ECPAS: variants seen among roughly 807,000 people sequenced by gnomAD.
The protein encoded by ECPAS is Ecm29 proteasome adaptor and scaffold.
ECPAS carries 70 observed loss-of-function variants against 255.1 expected under a neutral mutation model. That is an observed-to-expected ratio of 0.27 (90% CI 0.23 to 0.33). The LOEUF (loss-of-function observed/expected upper bound fraction) is 0.33. Among genes scored for constraint, ECPAS ranks in the 10% least tolerant of loss-of-function variants. The pLI is 1.00. For synonymous variants in ECPAS, 784 were observed against 775.0 expected (o/e 1.01, Z -0.19); for missense variants, 1,817 against 2,206.4 (o/e 0.82, Z 3.54).
Position 111,430,375 on chromosome 9 carries a change from A to T in ECPAS, c.930+172T>A, listed in dbSNP as rs564491693. On this transcript the variant is annotated intron_variant, in intron 9 of 49. Coordinates refer to ENST00000684092, the MANE Select transcript of ECPAS (RefSeq NM_001364929.1). ...AATCTGAATTTACAACACAAGATCC[A>T]GTAAACTAAATTACCAGGTTTTAAT... is the stretch of plus-strand genomic sequence containing the variant. Among the ~76,000 whole-genome samples the T allele has an allele frequency of 9.8e-5, 15 of 152,368 alleles. No individual in the cohort carries two copies. In the East Asian group the frequency reaches 2.9e-3, roughly 29 times the overall value.
intron 1 of ECPAS, among the ~76,000 whole-genome samples, chr9:111,477,389 G>C (rs796197608): frequency 1.1e-4 from 16 of 152,248 alleles, no homozygotes; most frequent in African/African-American, 3.6e-4. Context: ...TGGGATTACA[G>C]GTGTGAGGCA....
chr9:111,386,465 A>G lies in ECPAS; in HGVS notation c.3448-9T>C. On this transcript the variant is annotated splice_polypyrimidine_tract_variant and intron_variant, in intron 31 of 49. Coordinates refer to ENST00000684092, the MANE Select transcript of ECPAS (RefSeq NM_001364929.1). ...TTCAAATATTTATCCACCTAATGAA[A>G]GCAAAAGGATAAAATTTAAAATGCA... The G allele has an allele frequency of 2.7e-6, 4 of 1,496,464 alleles. No homozygotes were observed. Among genetic ancestry groups the G allele is most frequent in the Non-Finnish European group, 3.7e-6 (4 of 1,082,830 alleles). The allele number at this position is 1,496,464 out of a possible 1,614,324, so 92.7% of individuals were successfully genotyped here.
intron 2 of ECPAS, among the ~76,000 whole-genome samples, chr9:111,455,617 T>A (rs1299281914): frequency 1.3e-5 from 2 of 152,260 alleles, no homozygotes; most frequent in African/African-American, 4.8e-5. Flanking sequence ...TGCCTGTCTG[T>A]GCAAATAATA....
intron 12 of ECPAS, among the ~76,000 whole-genome samples, chr9:111,424,646 T>C (rs571799624): frequency 1.3e-5 from 2 of 152,312 alleles, no homozygotes; most frequent in South Asian, 2.1e-4. Context: ...ATTTACTGAA[T>C]GCATGTTTTG....
At chr9:111,446,314 A>G (rs939463200) in intron 3 of ECPAS, among the ~76,000 whole-genome samples, 5 of 152,242 alleles carry the variant, frequency 3.3e-5, no homozygotes, top group Non-Finnish European at 5.9e-5. Context: ...CAATAAAAAG[A>G]TTTCTGCCAA....
chr9:111,410,189 G>T lies in ECPAS; in HGVS notation c.2402C>A (p.Pro801His). Reference protein sequence around the residue: ...TIGSFLDSTSPLLAIAACTAL... With the variant: ...TIGSFLDSTSHLLAIAACTAL... Reference sequence around the variant, plus strand: ...TGTGCAGGCAGCAATTGCCAGGAGGGGTGATGTACTGTCCAAAAATGAGCC... The same window carrying T: ...TGTGCAGGCAGCAATTGCCAGGAGGTGTGATGTACTGTCCAAAAATGAGCC... Residue 801 changes from proline (P) to histidine (H), a missense_variant, in exon 23 of 50, where the codon CCC becomes CAC. This residue lies in a region of ECPAS where 194 missense variants were observed against 152.8 expected (regional missense o/e 1.27). Transcript: ENST00000684092. 1 of 1,612,318 alleles carries T rather than the reference G, an allele frequency of 6.2e-7. No homozygotes were observed. Among genetic ancestry groups the T allele is most frequent in the Non-Finnish European group, 8.5e-7 (1 of 1,179,396 alleles).
Position 111,363,568 on chromosome 9 carries a change from C to A in ECPAS, c.5380+20G>T. On this transcript the variant is annotated intron_variant, in intron 49 of 49. Transcript: ENST00000684092. Reference sequence around the variant, plus strand: ...CCACATGGCTTTATGGTCCCCCAGTCAGAACTAACAACAACTTACCTTCAA... The same window carrying A: ...CCACATGGCTTTATGGTCCCCCAGTAAGAACTAACAACAACTTACCTTCAA... 2 of 1,484,620 alleles carry A rather than the reference C, an allele frequency of 1.3e-6. No homozygotes were observed. The highest frequency in any genetic ancestry group is 1.2e-5 in the South Asian group (1 of 86,420). 92.0% of individuals were successfully genotyped at this position (1,484,620 alleles called of 1,614,324 possible). A position where few individuals can be genotyped will look rare whatever the true frequency, so the allele number is the denominator to read the frequency against.
At chr9:111,407,409 A>G (rs2098186093) in intron 24 of ECPAS, among the ~76,000 whole-genome samples, 1 of 112,436 alleles carries the variant, frequency 8.9e-6, no homozygotes, top group East Asian at 3.5e-4. Context: ...CTCAGAAAAA[A>G]AAAAAAAAAA....
chr9:111,365,163 T>C (rs1293756336), intron 48 of ECPAS, among the ~76,000 whole-genome samples: 1 of 152,050 alleles, frequency 6.6e-6, no homozygotes, highest in African/African-American at 2.4e-5. Flanking sequence ...TCCAGTTACT[T>C]GGGAAACTGA....
In ECPAS at chr9:111,372,589, A is replaced by G; in HGVS notation, c.4368T>C (p.Thr1456=). The part of the protein sequence containing the change: ...EPIYKTSCAL[T]IHAIGRYSPD... ...GGCTGTATCGTCCAATAGCATGAAT[A>G]GTCAAAGCACAAGAGGTCTTGTAGA... Residue 1456 remains threonine (T), a synonymous_variant, in exon 42 of 50, where the codon ACT becomes ACC. Coordinates refer to ENST00000684092, the MANE Select transcript of ECPAS (RefSeq NM_001364929.1). The G allele has an allele frequency of 8.7e-6, 14 of 1,613,300 alleles. No individual in the cohort carries two copies. The highest frequency in any genetic ancestry group is 1.2e-5 in the Non-Finnish European group (14 of 1,179,514).
chr9:111,434,896 CT>C (rs3031129), intron 7 of ECPAS, among the ~76,000 whole-genome samples: 23 of 92,150 alleles, frequency 2.5e-4, no homozygotes, highest in Admixed American at 6.2e-4. Context: ...CCACATCTGG[CT>C]TTTTTTTTTT....
At chr9:111,422,508 G>A (rs1251613962) in intron 13 of ECPAS, among the ~76,000 whole-genome samples, 1 of 152,138 alleles carries the variant, frequency 6.6e-6, no homozygotes, top group Non-Finnish European at 1.5e-5. Flanking sequence ...CGTGGAAAGG[G>A]GCTTTGTTAC....
At chr9:111,374,781 T>C (rs754004281) in intron 38 of ECPAS, among the ~76,000 whole-genome samples, 1 of 152,114 alleles carries the variant, frequency 6.6e-6, no homozygotes, top group Non-Finnish European at 1.5e-5. Flanking sequence ...CTGTGAAAAA[T>C]GCAATTGCCA....
chr9:111,399,482 A>C (rs2418161), intron 24 of ECPAS, among the ~76,000 whole-genome samples: 66,387 of 151,570 alleles, frequency 0.44, 14,678 homozygotes, highest in Non-Finnish European at 0.48. Flanking sequence ...CAACTCAGTA[A>C]CACCCGGTCA....
At chr9:111,412,818 G>A (rs964787149) in intron 20 of ECPAS, among the ~76,000 whole-genome samples, 1 of 151,900 alleles carries the variant, frequency 6.6e-6, no homozygotes, top group Non-Finnish European at 1.5e-5. Flanking sequence ...ACACCTCCTG[G>A]CAAATTTCAT....
At chr9:111,469,326 A>T (rs1466131570) in intron 2 of ECPAS, among the ~76,000 whole-genome samples, 2 of 151,908 alleles carry the variant, frequency 1.3e-5, no homozygotes, top group African/African-American at 4.8e-5. Context: ...AGGTCAGGTG[A>T]ATTTGAGACC....
intron 17 of ECPAS, 24 bp from the exon 18 acceptor site, chr9:111,416,376 G>A: frequency 6.3e-7 from 1 of 1,578,620 alleles, no homozygotes; most frequent in Non-Finnish European, 8.7e-7. Context: ...GTCCAAAACA[G>A]ACACAATTAC....
At chr9:111,431,032 T>G (rs1180958318) in intron 8 of ECPAS, among the ~76,000 whole-genome samples, 1 of 152,104 alleles carries the variant, frequency 6.6e-6, no homozygotes, top group Non-Finnish European at 1.5e-5. Context: ...ATTTGGCAGT[T>G]CAAAAGTGAT....
chr9:111,366,671 AAAG>A, intron 46 of ECPAS, 44 bp from the exon 47 acceptor site: 1 of 1,267,022 alleles, frequency 7.9e-7, no homozygotes, highest in South Asian at 1.2e-5. Context: ...AGACAGTATA[AAAG>A]AACAAGAGAT....
Sources: gnomAD v4.1 joint callset for allele counts (sites outside exome capture counted in the v4.1 genomes callset) on GRCh38, gnomAD v4.1.1 for gene constraint, gnomAD v4.1.1 regional missense constraint, MANE v1.5 for transcripts, NCBI Gene and HGNC (gene_info 2026-07-23, HGNC 2026-07-21) for gene names.